The following PARP1 variants were observed in gnomAD, a reference collection of about 807,000 sequenced individuals.
PARP1 encodes the protein poly [ADP-ribose] polymerase 1.
PARP1 carries 44 observed loss-of-function variants against 118.7 expected under a neutral mutation model. That is an observed-to-expected ratio of 0.37 (90% CI 0.29 to 0.48). The LOEUF (loss-of-function observed/expected upper bound fraction) is 0.48. PARP1 is among the 20% of genes least tolerant of loss of function. The probability of loss-of-function intolerance (pLI) is 0.99; values close to 1 mark genes in which losing one functional copy is unlikely to be tolerated. For synonymous variants in PARP1, 492 were observed against 483.2 expected (o/e 1.02, Z -0.24); for missense variants, 1,100 against 1,272.4 (o/e 0.86, Z 2.06).
At chr1:226,384,218 T>C (rs1053718225) in intron 7 of PARP1, among the ~76,000 whole-genome samples, 1 of 152,196 alleles carries the variant, frequency 6.6e-6, no homozygotes, top group Non-Finnish European at 1.5e-5. Flanking sequence ...GGCGCCCTAT[T>C]GCTAGGTACT....
rs781090291 is a variant in PARP1, at chr1:226,392,250, A to G, written c.351T>C (p.Tyr117=). 1 of 1,613,980 alleles carries G rather than the reference A, an allele frequency of 6.2e-7. No individual in the cohort carries two copies. The highest frequency in any genetic ancestry group is 1.3e-5 in the African/African-American group (1 of 74,898). The change falls in exon 3 of 23, where the codon TAT becomes TAC. Residue 117 remains tyrosine, a synonymous_variant. Transcript: ENST00000366794. ...TGCACGTACTTCTGTTGGACTTGGC[A>G]TACTCTGCTGCAAAGTCACCCAGAG... The part of the protein sequence containing the change: ...EKTLGDFAAE[Y]AKSNRSTCKG...
intron 14 of PARP1, among the ~76,000 whole-genome samples, chr1:226,373,094 C>T (rs1410813470): frequency 6.6e-6 from 1 of 152,202 alleles, no homozygotes; most frequent in Non-Finnish European, 1.5e-5. Flanking sequence ...CAGGGAGATA[C>T]GGGGTTGGCC....
chr1:226,363,265 C>A (rs1468335116), intron 20 of PARP1, 105 bp from the exon 21 acceptor site: 1 of 834,102 alleles, frequency 1.2e-6, no homozygotes, highest in Non-Finnish European at 2.1e-6. Context: ...GATAAAAGTC[C>A]ACAAAACCCA....
Position 226,367,504 on chromosome 1 carries a change from A to G in PARP1, c.2382T>C (p.Tyr794=), listed in dbSNP as rs967242925. 8 of 1,614,044 alleles carry G rather than the reference A, an allele frequency of 5.0e-6. No homozygotes were observed. Among genetic ancestry groups the G allele is most frequent in the African/African-American group, 4.0e-5 (3 of 74,924 alleles). The change falls in exon 17 of 23, where the codon TAT becomes TAC. Residue 794 remains tyrosine, a synonymous_variant. Coordinates refer to ENST00000366794, the MANE Select transcript of PARP1 (RefSeq NM_001618.4). ...CCTTAATGTCAGTTTTGAGCTTCTC[A>G]TAGTTGACATCGATGGGATCCTTGC... ...DSSKDPIDVN[Y]EKLKTDIKVV... is the part of the protein sequence containing the mutation.
rs769854357 is a variant in PARP1, at chr1:226,383,016, C to T, written c.1159+20G>A. On this transcript the variant is annotated intron_variant, in intron 8 of 22. Coordinates refer to ENST00000366794, the MANE Select transcript of PARP1 (RefSeq NM_001618.4). The stretch of plus-strand genomic sequence containing the variant: ...AATTCCTGCAAAGCAGCTCTAAGAC[C>T]GGGGTCCCAAATGCTGTACCTGCTG... 9.9e-6 allele frequency: 16 copies of T among 1,612,048 alleles called. No homozygotes were observed. The East Asian group carries it at 1.1e-4, about 11-fold the overall frequency.
rs763929201 is a variant in PARP1, at chr1:226,388,695, T to C, written c.678A>G (p.Lys226=). 2 of 1,614,064 alleles carry C rather than the reference T, an allele frequency of 1.2e-6. No individual in the cohort carries two copies. The highest frequency in any genetic ancestry group is 2.2e-5 in the South Asian group (2 of 91,078). Residue 226 remains lysine, a synonymous_variant, in exon 5 of 23, where the codon AAA becomes AAG. Transcript: ENST00000366794. ...CAAGCTTACTATCCTTGTCTTTTTC[T>C]TTTTTAGATTTCTTCTTCGCCACTT... ...VDEVAKKKSK[K]EKDKDSKLEK...
At position 226,392,376 on chromosome 1, in the gene PARP1, C is replaced by T. The variant is rs895931970; in HGVS notation, c.287-62G>A. 7 of 1,168,906 alleles carry T rather than the reference C, an allele frequency of 6.0e-6. No homozygotes were observed. In the African/African-American group the frequency reaches 1.1e-4, roughly 18 times the overall value. The allele number at this position is 1,168,906 out of a possible 1,614,324, so 72.4% of individuals were successfully genotyped here. On this transcript the variant is annotated intron_variant, in intron 2 of 22. Coordinates refer to ENST00000366794, the MANE Select transcript of PARP1 (RefSeq NM_001618.4). ...AGCCCCAAAATGCAGCTCAGAGGAG[C>T]CCCGTCCTCTTCTACCTCCCCAGGA...
chr1:226,395,018 C>G (rs1664888763), intron 2 of PARP1, among the ~76,000 whole-genome samples: 1 of 151,862 alleles, frequency 6.6e-6, no homozygotes, highest in African/African-American at 2.4e-5. Flanking sequence ...GAGTAAATAT[C>G]AAGTTGTAAA....
chr1:226,364,397 T>C, intron 19 of PARP1: 1 of 360,066 alleles, frequency 2.8e-6, no homozygotes, highest in Non-Finnish European at 5.4e-6. Context: ...AACTAGCGCC[T>C]GTCAACACCC....
At chr1:226,407,684 GC>G (rs1665178846) in intron 1 of PARP1, 125 bp downstream of exon 1, 1 of 937,246 alleles carries the variant, frequency 1.1e-6, no homozygotes, top group South Asian at 2.0e-5. Flanking sequence ...GGCCCCATAG[GC>G]CCCAAGTGCC....
At chr1:226,400,214 G>A (rs1665005359) in intron 2 of PARP1, among the ~76,000 whole-genome samples, 2 of 151,142 alleles carry the variant, frequency 1.3e-5, no homozygotes, top group Non-Finnish European at 3.0e-5. Context: ...CAGGAGAATC[G>A]CCTGAACCCG....
chr1:226,404,075 C>T (rs769345712), intron 1 of PARP1, among the ~76,000 whole-genome samples: 16 of 152,312 alleles, frequency 1.1e-4, no homozygotes, highest in Non-Finnish European at 1.5e-4. Flanking sequence ...TCAGAGCACT[C>T]CCTCAGATCT....
intron 1 of PARP1, among the ~76,000 whole-genome samples, chr1:226,405,221 TCA>T (rs1665120951): frequency 6.6e-6 from 1 of 152,168 alleles, no homozygotes; most frequent in Non-Finnish European, 1.5e-5. Flanking sequence ...TACATAAAAA[TCA>T]CAGTTACTTT....
chr1:226,395,324 C>T (rs1664894412), intron 2 of PARP1, among the ~76,000 whole-genome samples: 1 of 152,042 alleles, frequency 6.6e-6, no homozygotes, highest in African/African-American at 2.4e-5. Flanking sequence ...TATCTGTATA[C>T]CGATGTTCAT....
At chr1:226,376,325 G>A (rs1398630761) in intron 13 of PARP1, among the ~76,000 whole-genome samples, 2 of 152,194 alleles carry the variant, frequency 1.3e-5, no homozygotes, top group Non-Finnish European at 2.9e-5. Flanking sequence ...AGTTAAAAAT[G>A]TCAACCAATA....
At chr1:226,367,384 C>T in intron 17 of PARP1, 96 bp downstream of exon 17, 1 of 1,473,686 alleles carries the variant, frequency 6.8e-7, no homozygotes, top group Non-Finnish European at 9.5e-7. Context: ...TGTGTTTTAA[C>T]AAGCTTTCCA....
intron 2 of PARP1, chr1:226,392,858 A>G (rs1664846354): frequency 6.9e-7 from 1 of 1,456,764 alleles, no homozygotes; most frequent in Non-Finnish European, 9.2e-7. Flanking sequence ...GCCATTTGGG[A>G]CAAAAACTGG....
intron 5 of PARP1, among the ~76,000 whole-genome samples, chr1:226,387,219 G>C (rs1170696528): frequency 2.0e-5 from 3 of 152,310 alleles, no homozygotes; most frequent in Non-Finnish European, 2.9e-5. Flanking sequence ...CTGGCCTCAA[G>C]TGATCCGCCT....
intron 2 of PARP1, chr1:226,401,999 T>A: frequency 6.8e-7 from 1 of 1,480,124 alleles, no homozygotes; most frequent in Non-Finnish European, 9.0e-7. Context: ...AAAGGCTACA[T>A]TCCAAGCACC....
Sources: allele counts gnomAD v4.1 joint callset (sites outside exome capture counted in the v4.1 genomes callset), GRCh38; gene constraint gnomAD v4.1.1; transcripts MANE v1.5; gene names NCBI Gene and HGNC (gene_info 2026-07-23, HGNC 2026-07-21).